The following PDZRN4 variants were observed in gnomAD, a reference collection of about 807,000 sequenced individuals.
The protein encoded by PDZRN4 is PDZ domain-containing RING finger protein 4.
A neutral mutation model predicts 99.0 loss-of-function variants in PDZRN4; 70 were observed. The observed-to-expected ratio is 0.71, with a 90% CI of 0.58 to 0.86. The LOEUF is 0.86. Ranked by LOEUF, PDZRN4 falls within the 40% of genes least tolerant of loss-of-function variation. The pLI, the probability that PDZRN4 is intolerant of heterozygous loss-of-function variation, is 0.00. For missense variants in PDZRN4, 1,474 were observed against 1,331.2 expected (o/e 1.11, Z -1.67); for synonymous variants, 551 against 501.6 (o/e 1.10, Z -1.32).
At chr12:41,242,724 C>A (rs937380407) in intron 3 of PDZRN4, among the ~76,000 whole-genome samples, 1 of 152,122 alleles carries the variant, frequency 6.6e-6, no homozygotes, top group African/African-American at 2.4e-5. Context: ...TCTTGCTTCA[C>A]CCAAAATGTC....
intron 3 of PDZRN4, among the ~76,000 whole-genome samples, chr12:41,291,563 T>A (rs1207615826): frequency 6.6e-6 from 1 of 152,162 alleles, no homozygotes; most frequent in African/African-American, 2.4e-5. Flanking sequence ...ATAAAATCAT[T>A]ATTCATCCTA....
chr12:41,561,450 G>T (rs1015686698), intron 7 of PDZRN4, among the ~76,000 whole-genome samples: 70 of 151,456 alleles, frequency 4.6e-4, no homozygotes, highest in Non-Finnish European at 7.4e-4. Context: ...CTCTGAGAAA[G>T]GCACTATTAT....
chr12:41,401,841 C>A (rs769144710), intron 3 of PDZRN4, among the ~76,000 whole-genome samples: 1 of 151,706 alleles, frequency 6.6e-6, no homozygotes, highest in Non-Finnish European at 1.5e-5. Context: ...CTCCCCAGAC[C>A]GTGCCAAAAC....
intron 3 of PDZRN4, among the ~76,000 whole-genome samples, chr12:41,221,899 A>ATATTTG (rs1303810955): frequency 6.6e-6 from 1 of 152,204 alleles, no homozygotes; most frequent in East Asian, 1.9e-4. Flanking sequence ...TCATCGAGAC[A>ATATTTG]TATTTGTACC....
chr12:41,194,116 C>G lies in PDZRN4; in HGVS notation c.771C>G (p.Tyr257Ter). 1 of 1,559,004 alleles carries G rather than the reference C, an allele frequency of 6.4e-7. No individual in the cohort carries two copies. The highest frequency in any genetic ancestry group is 8.7e-7 in the Non-Finnish European group (1 of 1,143,076). ...AAGGAACATCGACTGAAGGAATTTA[C>G]GTTTCAAAAATTTTAGAAAATGGAC... Reference protein sequence around the residue: ...NQEGTSTEGIYVSKILENGPA... With the variant: ...NQEGTSTEGI The change falls in exon 3 of 10, where the codon TAC becomes TAG. Residue 257 changes from tyrosine (Y) to a stop codon, truncating the protein, a stop_gained. Transcript: ENST00000402685. LOFTEE classifies it high-confidence loss of function.
At chr12:41,406,127 A>C (rs1952347368) in intron 3 of PDZRN4, among the ~76,000 whole-genome samples, 1 of 152,198 alleles carries the variant, frequency 6.6e-6, no homozygotes, top group Non-Finnish European at 1.5e-5. Flanking sequence ...AAAAACATTA[A>C]ATGTATCCAA....
chr12:41,252,760 G>A (rs569988376), intron 3 of PDZRN4, among the ~76,000 whole-genome samples: 2 of 152,116 alleles, frequency 1.3e-5, no homozygotes, highest in South Asian at 2.1e-4. Flanking sequence ...AGGCAAAACA[G>A]TCTTAACAGA....
intron 3 of PDZRN4, among the ~76,000 whole-genome samples, chr12:41,244,858 G>A (rs916250660): frequency 9.5e-6 from 1 of 105,592 alleles, no homozygotes; most frequent in African/African-American, 3.1e-5. Context: ...CTAATTTTTT[G>A]TATTTTTAGT....
intron 3 of PDZRN4, among the ~76,000 whole-genome samples, chr12:41,313,711 A>T (rs1358629891): frequency 6.6e-6 from 1 of 152,194 alleles, no homozygotes; most frequent in Middle Eastern, 3.2e-3. Context: ...AACTTGTCAT[A>T]AGTCTGTCCC....
intron 3 of PDZRN4, among the ~76,000 whole-genome samples, chr12:41,371,609 A>T (rs993500713): frequency 1.3e-5 from 2 of 152,142 alleles, no homozygotes; most frequent in African/African-American, 4.8e-5. Context: ...TAACTGCCTG[A>T]GCTATCATGG....
At chr12:41,241,237 T>C (rs77781194) in intron 3 of PDZRN4, among the ~76,000 whole-genome samples, 3,351 of 152,316 alleles carry the variant, frequency 0.022, 94 homozygotes, top group African/African-American at 0.064. Flanking sequence ...TTGCTGGTGC[T>C]CACAAGGTTT....
At chr12:41,284,890 A>G (rs1951412273) in intron 3 of PDZRN4, among the ~76,000 whole-genome samples, 1 of 152,200 alleles carries the variant, frequency 6.6e-6, no homozygotes, top group Admixed American at 6.5e-5. Context: ...CATAAGATCT[A>G]AAACCTTAAA....
chr12:41,428,013 G>A (rs551674280), intron 3 of PDZRN4, among the ~76,000 whole-genome samples: 53 of 152,184 alleles, frequency 3.5e-4, no homozygotes, highest in African/African-American at 7.5e-4. Context: ...GGTTGAACCC[G>A]GGAGGCAGAG....
At chr12:41,411,972 T>A (rs937547725) in intron 3 of PDZRN4, 1 of 152,204 alleles carries the variant, frequency 6.6e-6, no homozygotes, top group Non-Finnish European at 1.5e-5. Flanking sequence ...CTCCGGTGTC[T>A]GCTATACATT....
At chr12:41,272,721 A>G (rs965813010) in intron 3 of PDZRN4, among the ~76,000 whole-genome samples, 5 of 152,102 alleles carry the variant, frequency 3.3e-5, no homozygotes, top group African/African-American at 9.6e-5. Flanking sequence ...CAAAAGTTAT[A>G]AAAATATTTG....
At chr12:41,347,104 G>A (rs1951859380) in intron 3 of PDZRN4, among the ~76,000 whole-genome samples, 1 of 152,084 alleles carries the variant, frequency 6.6e-6, no homozygotes, top group Admixed American at 6.6e-5. Context: ...ATGCTGCTGT[G>A]AACGTTCATG....
In PDZRN4 at chr12:41,489,393, T is replaced by C. The variant is rs75533354; in HGVS notation, c.844-17063T>C. Among the ~76,000 whole-genome samples, 11 of 152,178 alleles carry C rather than the reference T, an allele frequency of 7.2e-5. No homozygotes were observed. In the East Asian group the frequency reaches 1.4e-3, roughly 19 times the overall value. On this transcript the variant is annotated intron_variant, in intron 3 of 9. Transcript: ENST00000402685. ...TGCCAACAGTACTGCAGTTGAGAAATCCCAGACTAAAGGTTCTAGCAATAT... is the reference window on the plus strand; with the variant it reads ...TGCCAACAGTACTGCAGTTGAGAAACCCCAGACTAAAGGTTCTAGCAATAT...
At chr12:41,384,159 C>G (rs552051216) in intron 3 of PDZRN4, among the ~76,000 whole-genome samples, 2 of 152,056 alleles carry the variant, frequency 1.3e-5, no homozygotes, top group African/African-American at 4.8e-5. Flanking sequence ...GCCTCACTCC[C>G]ATCACCTAGG....
chr12:41,571,162 G>A (rs1448480970), intron 9 of PDZRN4, among the ~76,000 whole-genome samples: 1 of 151,942 alleles, frequency 6.6e-6, no homozygotes, highest in African/African-American at 2.4e-5. Flanking sequence ...TATATATAGT[G>A]AATAAACTTA....
Sources: allele counts gnomAD v4.1 joint callset (sites outside exome capture counted in the v4.1 genomes callset), GRCh38; gene constraint gnomAD v4.1.1; transcripts MANE v1.5; gene names NCBI Gene and HGNC (gene_info 2026-07-23, HGNC 2026-07-21).